MAF: variants seen among roughly 807,000 people sequenced by gnomAD.
MAF encodes transcription factor Maf.
Under a neutral mutation model 22.0 loss-of-function variants are expected in MAF, and 10 were observed. The ratio of observed to expected loss-of-function variants is 0.45; its 90% CI spans 0.28 to 0.77. The LOEUF is 0.77. Among genes scored for constraint, MAF ranks in the 30% least tolerant of loss-of-function variants. The pLI is 0.12. For missense variants in MAF, 544 were observed against 548.4 expected, an observed-to-expected ratio of 0.99 and a Z score of 0.08; for synonymous variants, 337 against 255.8, an observed-to-expected ratio of 1.32 and a Z score of -3.03.
At chr16:79,538,418 G>C in the MAF span, among the ~76,000 whole-genome samples, 1 of 152,230 alleles carries the variant, frequency 6.6e-6, no homozygotes, top group South Asian at 2.1e-4. Context: ...TAAATGCACT[G>C]AATATTTAAA....
the MAF span, among the ~76,000 whole-genome samples, chr16:79,440,305 A>G: frequency 1.4e-4 from 21 of 152,346 alleles, no homozygotes; most frequent in Non-Finnish European, 2.6e-4. Flanking sequence ...TGAGCACCCC[A>G]GTGGAAGGGC....
the MAF span, among the ~76,000 whole-genome samples, chr16:79,431,322 G>A: frequency 6.6e-6 from 1 of 152,186 alleles, no homozygotes; most frequent in Admixed American, 6.5e-5. Flanking sequence ...TAAGGGCCAT[G>A]AAACCTGCAA....
At chr16:79,435,399 T>G in the MAF span, among the ~76,000 whole-genome samples, 1 of 152,206 alleles carries the variant, frequency 6.6e-6, no homozygotes, top group Non-Finnish European at 1.5e-5. Flanking sequence ...AGCCCTAGAT[T>G]TAGGAAAACA....
chr16:79,266,186 T>G, the MAF span, among the ~76,000 whole-genome samples: 1 of 152,148 alleles, frequency 6.6e-6, no homozygotes, highest in African/African-American at 2.4e-5. Context: ...AATTCATGTC[T>G]TGAGGGACAG....
chr16:79,374,619 G>A, the MAF span, among the ~76,000 whole-genome samples: 14 of 152,098 alleles, frequency 9.2e-5, no homozygotes, highest in Non-Finnish European at 1.8e-4. Flanking sequence ...CACAATGAAG[G>A]CACTGGGGCT....
chr16:79,466,222 G>C, the MAF span, among the ~76,000 whole-genome samples: 1 of 152,152 alleles, frequency 6.6e-6, no homozygotes, highest in Non-Finnish European at 1.5e-5. Flanking sequence ...ACTCCCTCTA[G>C]ACCCACCCTC....
chr16:79,464,846 T>A, the MAF span, among the ~76,000 whole-genome samples: 1 of 152,206 alleles, frequency 6.6e-6, no homozygotes, highest in Non-Finnish European at 1.5e-5. Context: ...AAGTAAGTCA[T>A]GGGACCTGTT....
chr16:79,467,024 C>A, the MAF span, among the ~76,000 whole-genome samples: 1 of 152,194 alleles, frequency 6.6e-6, no homozygotes, highest in Non-Finnish European at 1.5e-5. Context: ...CCAAGCCATG[C>A]CCCTAAGCTG....
the MAF span, among the ~76,000 whole-genome samples, chr16:79,291,483 G>A: frequency 1.3e-5 from 2 of 151,934 alleles, no homozygotes; most frequent in African/African-American, 4.8e-5. Flanking sequence ...GAATTTCCTT[G>A]TTTCTGAGTC....
At chr16:79,330,888 C>A in the MAF span, among the ~76,000 whole-genome samples, 1,142 of 152,320 alleles carry the variant, frequency 7.5e-3, 16 homozygotes, top group African/African-American at 0.026. Flanking sequence ...TGCCTGACTC[C>A]AAAATTCCCA....
the MAF span, among the ~76,000 whole-genome samples, chr16:79,454,927 T>A: frequency 5.3e-3 from 808 of 152,010 alleles, no homozygotes; most frequent in Admixed American, 9.5e-3. Flanking sequence ...AGAAACCCCA[T>A]CTTTACTAAA....
the MAF span, among the ~76,000 whole-genome samples, chr16:79,377,439 A>T: frequency 6.6e-6 from 1 of 152,160 alleles, no homozygotes; most frequent in Admixed American, 6.5e-5. Context: ...CCTTTGTCAG[A>T]TGAGTAGATT....
At chr16:79,317,662 A>G in the MAF span, among the ~76,000 whole-genome samples, 1 of 152,132 alleles carries the variant, frequency 6.6e-6, no homozygotes, top group East Asian at 1.9e-4. Flanking sequence ...TTGACCTCCC[A>G]GAGGGAACAG....
the MAF span, among the ~76,000 whole-genome samples, chr16:79,444,489 A>G: frequency 6.6e-6 from 1 of 152,176 alleles, no homozygotes; most frequent in Admixed American, 6.5e-5. Context: ...CAGTTTCCTT[A>G]TATTTAAAAA....
At chr16:79,392,163 GGA>G in the MAF span, among the ~76,000 whole-genome samples, 2 of 148,760 alleles carry the variant, frequency 1.3e-5, no homozygotes, top group African/African-American at 2.5e-5. Flanking sequence ...AGTGAAGGAA[GGA>G]GAGAGGGAAG....
At chr16:79,341,764 C>A in the MAF span, among the ~76,000 whole-genome samples, 2 of 152,146 alleles carry the variant, frequency 1.3e-5, no homozygotes, top group Non-Finnish European at 2.9e-5. Context: ...GATCAGTGAG[C>A]AGGCTGTGGC....
chr16:79,502,675 A>ATAAATG, the MAF span, among the ~76,000 whole-genome samples: 20 of 11,668 alleles, frequency 1.7e-3, no homozygotes, highest in African/African-American at 4.3e-3. Flanking sequence ...CCAAAAATAA[A>ATAAATG]TAAATATAAA....
chr16:79,455,786 G>A, the MAF span, among the ~76,000 whole-genome samples: 1 of 152,168 alleles, frequency 6.6e-6, no homozygotes, highest in African/African-American at 2.4e-5. Context: ...GGGGGACCAA[G>A]GTGGGCAGAC....
the MAF span, among the ~76,000 whole-genome samples, chr16:79,539,279 G>T: frequency 0.01 from 1,530 of 152,316 alleles, 49 homozygotes; most frequent in Admixed American, 0.062. Context: ...CGAGCCGGGT[G>T]GATAACCTGA....
Sources: allele counts gnomAD v4.1 joint callset (sites outside exome capture counted in the v4.1 genomes callset), GRCh38; gene constraint gnomAD v4.1.1; transcripts MANE v1.5; gene names NCBI Gene and HGNC (gene_info 2026-07-23, HGNC 2026-07-21).